The following ORC1 variants were observed in gnomAD, a reference collection of about 807,000 sequenced individuals.
The protein encoded by ORC1 is origin recognition complex, subunit 1 homolog.
A neutral mutation model predicts 98.9 loss-of-function variants in ORC1; 61 were observed. The ratio of observed to expected loss-of-function variants is 0.62; its 90% CI spans 0.50 to 0.76. ORC1 has a LOEUF of 0.76. ORC1 is among the 30% of genes least tolerant of loss of function. ORC1 has a pLI of 0.00. For synonymous variants in ORC1, 385 were observed against 406.9 expected (o/e 0.95, Z 0.65); for missense variants, 979 against 1,072.2 (o/e 0.91, Z 1.21).
intron 1 of ORC1, among the ~76,000 whole-genome samples, chr1:52,403,885 G>A (rs1647855435): frequency 6.6e-6 from 1 of 152,126 alleles, no homozygotes; most frequent in African/African-American, 2.4e-5. Flanking sequence ...CCCTGTAGTG[G>A]TTCCTACACT....
rs753910439 is a variant in ORC1, at chr1:52,383,441, C to T, written c.1992G>A (p.Met664Ile). Reference protein sequence around the residue: ...NTMDLPERIMMNRVSSRLGLT... With the variant: ...NTMDLPERIMINRVSSRLGLT... ...CTACCAGTCGGCTGGACACCCGGTT[C>T]ATCATGATTCGCTCTGGCAGGTCCA... is the stretch of plus-strand genomic sequence containing the variant. The change falls in exon 13 of 17, where the codon ATG becomes ATA. Residue 664 changes from methionine to isoleucine, a missense_variant. By Grantham distance (10) the Met-to-Ile change is conservative. Coordinates refer to ENST00000371568, the MANE Select transcript of ORC1 (RefSeq NM_004153.4). 2.9e-5 allele frequency: 47 copies of T among 1,612,734 alleles called. No homozygotes were observed. The highest frequency in any genetic ancestry group is 3.7e-5 in the Non-Finnish European group (44 of 1,180,040).
At chr1:52,378,344 C>CAAA (rs57755980) in intron 14 of ORC1, among the ~76,000 whole-genome samples, 10 of 129,068 alleles carry the variant, frequency 7.7e-5, no homozygotes, top group Non-Finnish European at 8.6e-5. Context: ...GACTCCCTCT[C>CAAA]AAAAAAAAAA....
At chr1:52,406,031 C>T (rs768700884), upstream of ORC1, among the ~76,000 whole-genome samples, 15 of 152,130 alleles carry the variant, frequency 9.9e-5, no homozygotes, top group Admixed American at 7.2e-4. Context: ...CTGTGTTGCC[C>T]AGGCTGGAGT....
chr1:52,382,572 CT>C (rs3049207), intron 13 of ORC1, among the ~76,000 whole-genome samples: 3,202 of 107,424 alleles, frequency 0.03, 40 homozygotes, highest in African/African-American at 0.094. Flanking sequence ...AGTGCTAAAA[CT>C]TTTTTTTTTT....
chr1:52,396,528 A>T (rs888526821), intron 4 of ORC1, among the ~76,000 whole-genome samples, 164 bp from the exon 5 acceptor site: 2 of 152,234 alleles, frequency 1.3e-5, no homozygotes, highest in Admixed American at 6.5e-5. Context: ...ATTGCTAGAA[A>T]AACACATAAT....
rs140388455 is a variant in ORC1 at position 52,393,624 on chromosome 1, G to C, written c.901C>G (p.Leu301Val). The C allele has an allele frequency of 1.9e-6, 3 of 1,614,150 alleles. No individual in the cohort carries two copies. Among genetic ancestry groups the C allele is most frequent in the Non-Finnish European group, 2.5e-6 (3 of 1,180,010 alleles). The change falls in exon 6 of 17, where the codon CTC (leucine) becomes GTC (valine). Residue 301 changes from leucine to valine, a missense_variant. Coordinates refer to ENST00000371568, the MANE Select transcript of ORC1 (RefSeq NM_004153.4). ...KAPEKTRETG[L>V]SYTEDDKKAS... The stretch of plus-strand genomic sequence containing the variant: ...TTCTTGTCATCCTCAGTATAAGAGA[G>C]TCCAGTCTCTCTGGTTTTCTCTGGG...
intron 14 of ORC1, among the ~76,000 whole-genome samples, chr1:52,380,235 G>C (rs1056243567): frequency 1.3e-5 from 2 of 152,178 alleles, no homozygotes; most frequent in African/African-American, 4.8e-5. Context: ...ATCTCATAGT[G>C]AATAAGCCCC....
intron 14 of ORC1, 37 bp downstream of exon 14, chr1:52,381,605 T>C (rs1647070639): frequency 1.2e-6 from 2 of 1,609,040 alleles, no homozygotes; most frequent in East Asian, 2.2e-5. Context: ...TCAGCAAAGA[T>C]GTGCTGACTG....
rs751576918 is a variant in ORC1 at position 52,373,262 on chromosome 1, C to A, written c.2505G>T (p.Glu835Asp). 37 of 1,614,074 alleles carry A rather than the reference C, an allele frequency of 2.3e-5. No homozygotes were observed. The highest frequency in any genetic ancestry group is 3.1e-5 in the Non-Finnish European group (36 of 1,180,028). Residue 835 changes from glutamate to aspartate, a missense_variant, in exon 17 of 17, where the codon GAG becomes GAT. Glu to Asp is a conservative substitution (Grantham distance 45). Transcript: ENST00000371568. ...GAAGGAGCAGATCGTTCCTGCTGGGCTCCACAAGCAGGAGGCGACAGGAGC... is the reference window on the plus strand; with the variant it reads ...GAAGGAGCAGATCGTTCCTGCTGGGATCCACAAGCAGGAGGCGACAGGAGC... ...HLGSCRLLLV[E>D]PSRNDLLLRV...
At chr1:52,404,510 CCGTACACCTAAGAGGGGCGCATGA>C (rs1212061619), upstream of ORC1, 1 of 418,666 alleles carries the variant, frequency 2.4e-6, no homozygotes, top group East Asian at 4.8e-5. Context: ...CCCGCCCACT[CCGTACACCTAAGAGGGGCGCATGA>C]CGTACATCCG....
At position 52,373,086 on chromosome 1, in the gene ORC1, C is replaced by A. The variant is rs929930476; in HGVS notation, c.*95G>T. On this transcript the variant is annotated 3_prime_UTR_variant, in exon 17 of 17. Coordinates refer to ENST00000371568, the MANE Select transcript of ORC1 (RefSeq NM_004153.4). ...AGTCAAGGCTGCAGTGAGCCATGAT[C>A]GTGCCACTGCACTCCAGCCTGGGCG... 7.9e-7 allele frequency: 1 copy of A among 1,265,132 alleles called. No homozygotes were observed. 78.4% of individuals were successfully genotyped at this position (1,265,132 alleles called of 1,614,324 possible).
chr1:52,394,089 A>G (rs1423005675), intron 5 of ORC1, among the ~76,000 whole-genome samples: 1 of 152,176 alleles, frequency 6.6e-6, no homozygotes, highest in East Asian at 1.9e-4. Flanking sequence ...CCCTGAAATA[A>G]CCTATCAGAA....
intron 14 of ORC1, among the ~76,000 whole-genome samples, chr1:52,376,676 T>C (rs1189634888): frequency 6.6e-6 from 1 of 152,008 alleles, no homozygotes; most frequent in African/African-American, 2.4e-5. Flanking sequence ...AGAGGCACTT[T>C]GTGTGGTGAA....
chr1:52,386,800 A>G (rs1293297554), intron 8 of ORC1, among the ~76,000 whole-genome samples: 1 of 152,062 alleles, frequency 6.6e-6, no homozygotes, highest in Non-Finnish European at 1.5e-5. Flanking sequence ...GCCCCCTCTA[A>G]ATTAGCTAGG....
At chr1:52,404,679 A>G (rs1647916730), upstream of ORC1, 1 of 1,531,626 alleles carries the variant, frequency 6.5e-7, no homozygotes, top group African/African-American at 1.4e-5. Flanking sequence ...CCATTCCTCT[A>G]GGTGCTTTTT....
chr1:52,399,494 G>T (rs931434112), intron 3 of ORC1, among the ~76,000 whole-genome samples: 4 of 151,892 alleles, frequency 2.6e-5, no homozygotes, highest in African/African-American at 9.7e-5. Context: ...CATGGTGGCG[G>T]GTGCCTGTAG....
At chr1:52,401,224 A>G (rs1569960760) in intron 3 of ORC1, 138 bp downstream of exon 3, 2 of 1,073,312 alleles carry the variant, frequency 1.9e-6, no homozygotes, top group Non-Finnish European at 2.9e-6. Flanking sequence ...AGATGGAAGA[A>G]GACGCAGCTA....
rs1398664838 is a variant in ORC1, at chr1:52,373,078, G to C, written c.*103C>G. The stretch of plus-strand genomic sequence containing the variant: ...GCCTGAGAAGTCAAGGCTGCAGTGA[G>C]CCATGATCGTGCCACTGCACTCCAG... On this transcript the variant is annotated 3_prime_UTR_variant, in exon 17 of 17. Coordinates refer to ENST00000371568, the MANE Select transcript of ORC1 (RefSeq NM_004153.4). 8.3e-7 allele frequency: 1 copy of C among 1,202,366 alleles called. No individual in the cohort carries two copies. The highest frequency in any genetic ancestry group is 1.2e-6 in the Non-Finnish European group (1 of 809,258). 74.5% of individuals were successfully genotyped at this position (1,202,366 alleles called of 1,614,324 possible).
At chr1:52,399,623 CAAAA>C (rs1198516466) in intron 3 of ORC1, among the ~76,000 whole-genome samples, 1 of 64,120 alleles carries the variant, frequency 1.6e-5, no homozygotes, top group Admixed American at 1.9e-4. Context: ...GACTCTGTCT[CAAAA>C]AAAAAAAAAA....
Sources: allele counts gnomAD v4.1 joint callset (sites outside exome capture counted in the v4.1 genomes callset), GRCh38; gene constraint gnomAD v4.1.1; transcripts MANE v1.5; gene names NCBI Gene and HGNC (gene_info 2026-07-23, HGNC 2026-07-21).